KCNIP1: variants seen among roughly 807,000 people sequenced by gnomAD.
KCNIP1 encodes the protein A-type potassium channel modulatory protein KCNIP1.
A neutral mutation model predicts 33.0 loss-of-function variants in KCNIP1; 18 were observed. The ratio of observed to expected loss-of-function variants is 0.55; its 90% CI spans 0.38 to 0.81. The LOEUF is 0.81. Among genes scored for constraint, KCNIP1 ranks in the 30% least tolerant of loss-of-function variants. KCNIP1 has a pLI of 0.00. For synonymous variants in KCNIP1, 93 were observed against 98.3 expected (o/e 0.95, Z 0.32); for missense variants, 238 against 271.6 (o/e 0.88, Z 0.87).
At chr5:170,402,084 T>C (rs181668412) in intron 1 of KCNIP1, among the ~76,000 whole-genome samples, 6 of 152,288 alleles carry the variant, frequency 3.9e-5, no homozygotes, top group Admixed American at 2.0e-4. Flanking sequence ...TCTGTCTTCA[T>C]GTGGCCTTCT....
At chr5:170,631,791 C>A (rs532331935) in intron 1 of KCNIP1, among the ~76,000 whole-genome samples, 19 of 152,334 alleles carry the variant, frequency 1.2e-4, no homozygotes, top group African/African-American at 4.3e-4. Flanking sequence ...CCCAAGGCCA[C>A]GTGCTGCCCC....
intron 1 of KCNIP1, among the ~76,000 whole-genome samples, chr5:170,660,668 T>C (rs989352631): frequency 6.6e-6 from 1 of 152,202 alleles, no homozygotes; most frequent in East Asian, 1.9e-4. Flanking sequence ...GTCCTCTCCT[T>C]CTTCTTGTCA....
intron 1 of KCNIP1, among the ~76,000 whole-genome samples, chr5:170,649,572 T>C (rs1760947497): frequency 6.6e-6 from 1 of 152,226 alleles, no homozygotes; most frequent in African/African-American, 2.4e-5. Flanking sequence ...CAGATATTGA[T>C]GTCATCTATT....
At chr5:170,652,879 G>C (rs1176930717) in intron 1 of KCNIP1, among the ~76,000 whole-genome samples, 1 of 152,226 alleles carries the variant, frequency 6.6e-6, no homozygotes, top group Non-Finnish European at 1.5e-5. Flanking sequence ...AGCTCTGAGT[G>C]GTTCAGCAAA....
rs189532811 is a variant in KCNIP1 at position 170,537,315 on chromosome 5, G to A, written c.61+32682G>A. On this transcript the variant is annotated intron_variant, in intron 1 of 7. Transcript: ENST00000328939. Reference sequence around the variant, plus strand: ...GCACATGTTGTTTTAACTGTAAAATGAGGAAAATAGCATTCAACTCAGGGT... The same window carrying A: ...GCACATGTTGTTTTAACTGTAAAATAAGGAAAATAGCATTCAACTCAGGGT... 1.1e-3 allele frequency among the ~76,000 whole-genome samples: 171 copies of A among 152,320 alleles called. 2 individuals carry two copies. Among genetic ancestry groups the A allele is most frequent in the African/African-American group, 3.9e-3 (164 of 41,580 alleles).
intron 1 of KCNIP1, among the ~76,000 whole-genome samples, chr5:170,606,702 CACTT>C (rs1194325576): frequency 6.6e-6 from 1 of 152,190 alleles, no homozygotes; most frequent in Non-Finnish European, 1.5e-5. Context: ...CTCATAGTAA[CACTT>C]ACTAAAATTC....
intron 1 of KCNIP1, among the ~76,000 whole-genome samples, chr5:170,672,270 A>G (rs912193073): frequency 6.6e-6 from 1 of 152,252 alleles, no homozygotes; most frequent in African/African-American, 2.4e-5. Context: ...AGGCCTTTCA[A>G]TGACAGCAAC....
intron 1 of KCNIP1, among the ~76,000 whole-genome samples, chr5:170,575,321 T>C (rs1757560796): frequency 6.6e-6 from 1 of 152,222 alleles, no homozygotes; most frequent in African/African-American, 2.4e-5. Flanking sequence ...CAACACTTAC[T>C]GAAAATGTCC....
chr5:170,621,112 G>A (rs1759583118), intron 1 of KCNIP1, among the ~76,000 whole-genome samples: 1 of 152,090 alleles, frequency 6.6e-6, no homozygotes, highest in Non-Finnish European at 1.5e-5. Flanking sequence ...CTTCTTCCAA[G>A]CTCCCAAAGT....
At chr5:170,619,216 C>A (rs964321348) in intron 1 of KCNIP1, among the ~76,000 whole-genome samples, 4 of 152,186 alleles carry the variant, frequency 2.6e-5, no homozygotes, top group Non-Finnish European at 5.9e-5. Context: ...ATGCCATCTT[C>A]CCTTCAAATC....
At chr5:170,616,310 C>G (rs1759368770) in intron 1 of KCNIP1, among the ~76,000 whole-genome samples, 1 of 9,580 alleles carries the variant, frequency 1.0e-4, no homozygotes, top group Non-Finnish European at 2.2e-4. Context: ...AGCACCTACC[C>G]TGGGCCAGGC....
intron 1 of KCNIP1, among the ~76,000 whole-genome samples, chr5:170,648,369 T>G (rs556823886): frequency 1.3e-5 from 2 of 152,358 alleles, no homozygotes; most frequent in African/African-American, 4.8e-5. Context: ...ACAAAACTTG[T>G]AGGCCACCAA....
intron 1 of KCNIP1, among the ~76,000 whole-genome samples, chr5:170,566,250 GTTGT>G (rs1757202035): frequency 6.6e-6 from 1 of 151,902 alleles, no homozygotes; most frequent in Admixed American, 6.6e-5. Context: ...TGTCTGTTTG[GTTGT>G]TTGTTTGTGT....
intron 1 of KCNIP1, among the ~76,000 whole-genome samples, chr5:170,391,340 TA>T (rs1358828015): frequency 6.6e-6 from 1 of 152,162 alleles, no homozygotes; most frequent in African/African-American, 2.4e-5. Flanking sequence ...TTGGAAATCA[TA>T]AACAAACTTT....
intron 1 of KCNIP1, among the ~76,000 whole-genome samples, chr5:170,475,053 T>G (rs1385111328): frequency 6.6e-6 from 1 of 152,226 alleles, no homozygotes; most frequent in Non-Finnish European, 1.5e-5. Context: ...GAGTGCTGAT[T>G]GGTCTATTTT....
intron 1 of KCNIP1, among the ~76,000 whole-genome samples, chr5:170,510,108 A>G (rs1754877409): frequency 1.3e-5 from 2 of 151,974 alleles, no homozygotes; most frequent in Admixed American, 1.3e-4. Flanking sequence ...GCCAACTCCT[A>G]CTTATCTTTC....
At chr5:170,430,358 A>G (rs1375833117) in intron 1 of KCNIP1, among the ~76,000 whole-genome samples, 1 of 152,068 alleles carries the variant, frequency 6.6e-6, no homozygotes, top group Non-Finnish European at 1.5e-5. Context: ...GTCTTCTCCA[A>G]TTTTTGATAA....
chr5:170,622,289 G>A (rs1450885479), intron 1 of KCNIP1, among the ~76,000 whole-genome samples: 1 of 152,162 alleles, frequency 6.6e-6, no homozygotes, highest in South Asian at 2.1e-4. Context: ...CTTGGATTTG[G>A]GGTCTATCCG....
chr5:170,383,599 C>T (rs748640750), intron 1 of KCNIP1: 19 of 1,508,422 alleles, frequency 1.3e-5, no homozygotes, highest in Admixed American at 3.5e-5. Flanking sequence ...TTCTCAGCCT[C>T]GGGGACAGGG....
Sources: gnomAD v4.1 joint callset for allele counts (sites outside exome capture counted in the v4.1 genomes callset) on GRCh38, gnomAD v4.1.1 for gene constraint, MANE v1.5 for transcripts, NCBI Gene and HGNC (gene_info 2026-07-23, HGNC 2026-07-21) for gene names.